Variants in FBN3 observed in about 807,000 individuals in gnomAD.
FBN3 encodes the protein fibrillin 3.
In FBN3, 234 loss-of-function variants were observed where a neutral mutation model predicts 330.1. The observed-to-expected ratio is 0.71, with a 90% CI of 0.64 to 0.79. The LOEUF is 0.79. FBN3 is among the 30% of genes least tolerant of loss of function. FBN3 has a pLI of 0.00. For synonymous variants in FBN3, 1,458 were observed against 1,517.3 expected (o/e 0.96, Z 0.91); for missense variants, 3,606 against 3,886.9 (o/e 0.93, Z 1.92).
In FBN3 at chr19:8,085,551, C is replaced by A; in HGVS notation, c.6899G>T (p.Cys2300Phe). 1.3e-6 allele frequency: 2 copies of A among 1,576,890 alleles called. No individual in the cohort carries two copies. The highest frequency in any genetic ancestry group is 1.9e-5 in the Admixed American group (1 of 53,702). Residue 2300 changes from cysteine to phenylalanine, a missense_variant, in exon 56 of 64, where the codon TGC becomes TTC. By Grantham distance (205) the Cys-to-Phe change is radical (BLOSUM62 -2). Transcript: ENST00000600128. The part of the protein sequence containing the change: ...TECHDIRQGP[C>F]FAEVLQTMCR... ...CATGGTCTGCAGCACCTCGGCAAAGCAGGGCCCCTGCCGGATGTCTGCAGA... is the reference window on the plus strand; with the variant it reads ...CATGGTCTGCAGCACCTCGGCAAAGAAGGGCCCCTGCCGGATGTCTGCAGA...
rs549529568 is a variant in FBN3, at chr19:8,123,904, C to T, written c.2836G>A (p.Val946Met). 2.0e-5 allele frequency: 32 copies of T among 1,614,014 alleles called. No homozygotes were observed. Among genetic ancestry groups the T allele is most frequent in the East Asian group, 6.7e-5 (3 of 44,882 alleles). The change falls in exon 23 of 64, where the codon GTG (valine) becomes ATG (methionine). Residue 946 changes from valine (V) to methionine (M), a missense_variant. By Grantham distance (21) the Val-to-Met change is conservative (BLOSUM62 1). Transcript: ENST00000600128. ...CAGGCCTCGCACTCGACTCCCCACA[C>T]GGCCCCGATGGAGCAGCAGCAGACG... Reference protein sequence around the residue: ...MDVCCCSIGAVWGVECEACPD... With the variant: ...MDVCCCSIGAMWGVECEACPD...
At chr19:8,086,745 G>C (rs1194359839) in intron 54 of FBN3, among the ~76,000 whole-genome samples, 4 of 151,224 alleles carry the variant, frequency 2.6e-5, no homozygotes. Flanking sequence ...TAGGATTACA[G>C]GCGTGAGGCA....
rs779926859 is a variant in FBN3 at position 8,121,231 on chromosome 19, C to T, written c.3211+27G>A. On this transcript the variant is annotated intron_variant, in intron 25 of 63. Coordinates refer to ENST00000600128, the MANE Select transcript of FBN3 (RefSeq NM_032447.5). This position sits in a 1 kb window ranked among gnomAD's most constrained non-coding sequence, Gnocchi z 4.5. Reference sequence around the variant, plus strand: ...ATGCCCTCCCTGCCCAGGGCGCCCACCACACCCCTGCCCGGCAGTCACCGA... The same window carrying T: ...ATGCCCTCCCTGCCCAGGGCGCCCATCACACCCCTGCCCGGCAGTCACCGA... The T allele has an allele frequency of 7.3e-5, 115 of 1,569,802 alleles. No individual in the cohort carries two copies. The highest frequency in any genetic ancestry group is 1.7e-4 in the Middle Eastern group (1 of 5,878).
rs571442117 is a variant in FBN3, at chr19:8,123,658, G to C, written c.2957-69C>G. On this transcript the variant is annotated intron_variant, in intron 23 of 63. Transcript: ENST00000600128. ...AGGATCCATACACCAAGCCCTCCCT[G>C]GGTTCTTAGTGCCTCGCCTTACCCA... is the stretch of plus-strand genomic sequence containing the variant. The C allele has an allele frequency of 5.4e-5, 86 of 1,603,904 alleles. No individual in the cohort carries two copies. In the East Asian group the frequency reaches 6.3e-4, roughly 12 times the overall value.
rs866473381 is a variant in FBN3 at position 8,076,247 on chromosome 19, C to T, written c.7454-836G>A. Among the ~76,000 whole-genome samples the T allele has an allele frequency of 1.4e-4, 20 of 147,756 alleles. No individual in the cohort carries two copies. In the East Asian group the frequency reaches 1.6e-3, roughly 12 times the overall value. On this transcript the variant is annotated intron_variant, in intron 59 of 63. Transcript: ENST00000600128. ...AACCAGTGTATGGGTTGTCCGTGTGCGTGTGTGTGTGTGTGTGTGTGTGTG... is the reference window on the plus strand; with the variant it reads ...AACCAGTGTATGGGTTGTCCGTGTGTGTGTGTGTGTGTGTGTGTGTGTGTG...
chr19:8,135,836 G>A, intron 13 of FBN3, 125 bp downstream of exon 13: 1 of 1,063,874 alleles, frequency 9.4e-7, no homozygotes, highest in East Asian at 2.6e-5. Context: ...TGGGTTCAGA[G>A]GTGAGCAGAG....
At chr19:8,127,654 G>T (rs957572041) in intron 18 of FBN3, among the ~76,000 whole-genome samples, 10 of 152,194 alleles carry the variant, frequency 6.6e-5, no homozygotes, top group Admixed American at 2.0e-4. Context: ...ACAGGACTCA[G>T]GGAAATACTT....
Position 8,135,810 on chromosome 19 carries a change from G to T in FBN3, c.1591+151C>A, listed in dbSNP as rs568310438. On this transcript the variant is annotated intron_variant, in intron 13 of 63. Coordinates refer to ENST00000600128, the MANE Select transcript of FBN3 (RefSeq NM_032447.5). Reference sequence around the variant, plus strand: ...TCAGGGTGGTCAGGGGATAAGAAGAGTCTCAGGTGGGCTGCTGGGTTCAGA... The same window carrying T: ...TCAGGGTGGTCAGGGGATAAGAAGATTCTCAGGTGGGCTGCTGGGTTCAGA... The T allele has an allele frequency of 3.6e-5, 28 of 767,516 alleles. No homozygotes were observed. The East Asian group carries it at 6.5e-4, about 18-fold the overall frequency. The allele number at this position is 767,516 out of a possible 1,614,324, so 47.5% of individuals were successfully genotyped here.
intron 46 of FBN3, 44 bp downstream of exon 46, chr19:8,095,331 C>T: frequency 1.9e-6 from 3 of 1,591,042 alleles, no homozygotes; most frequent in Non-Finnish European, 2.6e-6. Flanking sequence ...GTACATGGAG[C>T]AGGGGCTGGC....
chr19:8,097,468 A>G, intron 41 of FBN3, 54 bp from the exon 42 acceptor site: 10 of 1,543,860 alleles, frequency 6.5e-6, no homozygotes, highest in Non-Finnish European at 8.8e-6. Flanking sequence ...ACTTCCAGCG[A>G]TGCTGAGCGA....
In FBN3 at chr19:8,111,662, C is replaced by A. The variant is rs760072153; in HGVS notation, c.4070G>T (p.Gly1357Val). 1 of 1,599,444 alleles carries A rather than the reference C, an allele frequency of 6.3e-7. No individual in the cohort carries two copies. Among genetic ancestry groups the A allele is most frequent in the Non-Finnish European group, 8.5e-7 (1 of 1,170,882 alleles). Residue 1357 changes from glycine to valine, a missense_variant, in exon 32 of 64, where the codon GGC becomes GTC. Gly to Val is a moderately radical substitution (Grantham distance 109, BLOSUM62 -3). Coordinates refer to ENST00000600128, the MANE Select transcript of FBN3 (RefSeq NM_032447.5). ...CTCRQGFAGD[G>V]FFCEDRDECA... ...TCTAATCTCACCTTCGCAGAAGAAG[C>A]CATCCCCGGCAAAGCCCTGGCGGCA...
rs1184356498 is a variant in FBN3, at chr19:8,103,266, C to A, written c.4939+296G>T. On this transcript the variant is annotated intron_variant, in intron 39 of 63. Transcript: ENST00000600128. The stretch of plus-strand genomic sequence containing the variant: ...TGGGTGACAGAGTGAGACTCTATCT[C>A]AAAAAAAAAAAAAAAAAAAGATTAC... Among the ~76,000 whole-genome samples the A allele has an allele frequency of 1.4e-3, 151 of 107,906 alleles. 1 individual carries two copies. Among genetic ancestry groups the A allele is most frequent in the Non-Finnish European group, 1.8e-3 (98 of 53,102 alleles). 70.8% of individuals were successfully genotyped at this position (107,906 alleles called of 152,430 possible). A position where few individuals can be genotyped will look rare whatever the true frequency, so the allele number is the denominator to read the frequency against.
intron 23 of FBN3, 79 bp downstream of exon 23, chr19:8,123,705 C>G (rs2082909105): frequency 6.3e-7 from 1 of 1,593,822 alleles, no homozygotes; most frequent in African/African-American, 1.3e-5. Flanking sequence ...CCCCCAAACA[C>G]ACTTCCCATC....
Position 8,118,943 on chromosome 19 carries a change from C to G in FBN3, c.3291G>C (p.Gln1097His). ...CTNTDGSYKC[Q>H]CPPGHELTAK... The stretch of plus-strand genomic sequence containing the variant: ...CCGTCAGCTCATGCCCAGGGGGACA[C>G]TGGCACTTGTAGCTCCCATCCGTGT... The change falls in exon 26 of 64, where the codon CAG becomes CAC. Residue 1097 changes from glutamine (Q) to histidine (H), a missense_variant. Coordinates refer to ENST00000600128, the MANE Select transcript of FBN3 (RefSeq NM_032447.5). 6.2e-7 allele frequency: 1 copy of G among 1,613,410 alleles called. No individual in the cohort carries two copies. The highest frequency in any genetic ancestry group is 8.5e-7 in the Non-Finnish European group (1 of 1,179,326).
chr19:8,135,820 G>T, intron 13 of FBN3, 141 bp downstream of exon 13: 1 of 842,404 alleles, frequency 1.2e-6, no homozygotes. Flanking sequence ...GTCTCAGGTG[G>T]GCTGCTGGGT....
intron 63 of FBN3, among the ~76,000 whole-genome samples, chr19:8,066,881 C>CAAAT (rs763848302): frequency 4.0e-5 from 6 of 151,752 alleles, no homozygotes; most frequent in South Asian, 2.1e-4. Flanking sequence ...TGTCTCAAAA[C>CAAAT]AAATAAATAA....
At chr19:8,081,189 C>T in intron 58 of FBN3, 70 bp from the exon 59 acceptor site, 8 of 1,511,536 alleles carry the variant, frequency 5.3e-6, no homozygotes, top group South Asian at 3.4e-5. Context: ...CCAGGGGCTG[C>T]CCTTGCCACC....
Position 8,129,069 on chromosome 19 carries a change from G to A in FBN3, c.2255C>T (p.Pro752Leu), listed in dbSNP as rs1941455343. 2 of 1,613,638 alleles carry A rather than the reference G, an allele frequency of 1.2e-6. No individual in the cohort carries two copies. Among genetic ancestry groups the A allele is most frequent in the Middle Eastern group, 1.7e-4 (1 of 5,750 alleles). Residue 752 changes from proline (P) to leucine (L), a missense_variant, in exon 18 of 64, where the codon CCC becomes CTC. Pro to Leu is a moderately conservative substitution (Grantham distance 98, BLOSUM62 -3). Transcript: ENST00000600128. The surrounding 1 kb of genome is among the most constrained non-coding windows in gnomAD (Gnocchi z 4.5). ...NSPGSYSCSC[P>L]PGFHFWQDTE... The stretch of plus-strand genomic sequence containing the variant: ...GTCCTGCCAGAAGTGGAAGCCGGGG[G>A]GGCAGGAGCAGCTGTAGCTGCCAGG...
chr19:8,115,705 G>A, intron 29 of FBN3, 65 bp from the exon 30 acceptor site: 2 of 1,568,820 alleles, frequency 1.3e-6, no homozygotes, highest in South Asian at 1.1e-5. Flanking sequence ...GGAAGTAGGT[G>A]AGGGTGGGAG....
Sources: gnomAD v4.1 joint callset for allele counts (sites outside exome capture counted in the v4.1 genomes callset) on GRCh38, gnomAD v4.1.1 for gene constraint, Gnocchi (gnomAD v3.1) non-coding constraint, MANE v1.5 for transcripts, NCBI Gene and HGNC (gene_info 2026-07-23, HGNC 2026-07-21) for gene names.